Variants in TOX observed in about 807,000 individuals in gnomAD.
TOX encodes the protein thymocyte selection-associated high mobility group box protein TOX.
TOX carries 11 observed loss-of-function variants against 53.7 expected under a neutral mutation model. The ratio of observed to expected loss-of-function variants is 0.20; its 90% CI spans 0.13 to 0.34. TOX has a LOEUF of 0.34. TOX is among the 10% of genes least tolerant of loss of function. The probability of loss-of-function intolerance (pLI) is 1.00; values close to 1 mark genes in which losing one functional copy is unlikely to be tolerated. For synonymous variants in TOX, 225 were observed against 245.3 expected (o/e 0.92, Z 0.77); for missense variants, 570 against 664.6 (o/e 0.86, Z 1.56).
At chr8:58,867,758 C>T (rs1811128677) in intron 3 of TOX, among the ~76,000 whole-genome samples, 2 of 152,092 alleles carry the variant, frequency 1.3e-5, no homozygotes, top group African/African-American at 4.8e-5. Context: ...CACGAATTTG[C>T]ACAAACTAAT....
At chr8:58,874,890 C>A (rs984204240) in intron 3 of TOX, among the ~76,000 whole-genome samples, 2 of 152,146 alleles carry the variant, frequency 1.3e-5, no homozygotes, top group African/African-American at 4.8e-5. Context: ...CACTAATGAG[C>A]GCTGATGAGC....
intron 1 of TOX, among the ~76,000 whole-genome samples, chr8:59,004,599 C>A (rs1044997666): frequency 1.6e-4 from 25 of 152,238 alleles, no homozygotes; most frequent in Admixed American, 3.9e-4. Context: ...AAGAACATAG[C>A]CTTTGTGTAG....
At chr8:58,846,247 G>T (rs1810717715) in intron 4 of TOX, among the ~76,000 whole-genome samples, 1 of 151,824 alleles carries the variant, frequency 6.6e-6, no homozygotes, top group Admixed American at 6.6e-5. Flanking sequence ...ATAAATAAGG[G>T]TCATACATTA....
At chr8:59,068,972 G>A (rs1280291838) in intron 1 of TOX, among the ~76,000 whole-genome samples, 1 of 152,156 alleles carries the variant, frequency 6.6e-6, no homozygotes, top group Non-Finnish European at 1.5e-5. Context: ...TCTGAGTCAG[G>A]CACAAGTAGG....
intron 4 of TOX, among the ~76,000 whole-genome samples, chr8:58,840,147 C>A (rs1001555899): frequency 6.6e-5 from 10 of 152,086 alleles, no homozygotes; most frequent in Non-Finnish European, 1.3e-4. Context: ...GAAAGATATA[C>A]CTAAGCACCG....
chr8:58,860,465 T>G (rs1207043480), intron 3 of TOX, among the ~76,000 whole-genome samples: 2 of 152,168 alleles, frequency 1.3e-5, no homozygotes, highest in African/African-American at 4.8e-5. Flanking sequence ...CCTTAAATGC[T>G]TCCTTAAAAC....
At chr8:59,076,079 G>C (rs1435846699) in intron 1 of TOX, among the ~76,000 whole-genome samples, 2 of 151,832 alleles carry the variant, frequency 1.3e-5, no homozygotes, top group Non-Finnish European at 2.9e-5. Context: ...TCAGAGAGAA[G>C]AAGGCGCTGT....
chr8:59,083,553 G>C (rs1804450867), intron 1 of TOX, among the ~76,000 whole-genome samples: 1 of 152,110 alleles, frequency 6.6e-6, no homozygotes, highest in Non-Finnish European at 1.5e-5. Context: ...TGAAATAAAT[G>C]CTATTGAGAA....
At chr8:58,991,234 A>T (rs1813440314) in intron 1 of TOX, among the ~76,000 whole-genome samples, 1 of 152,230 alleles carries the variant, frequency 6.6e-6, no homozygotes, top group Non-Finnish European at 1.5e-5. Context: ...CTAACTGTGC[A>T]ATTCAAATTA....
chr8:58,850,597 T>C (rs1810795589), intron 4 of TOX, among the ~76,000 whole-genome samples: 1 of 152,182 alleles, frequency 6.6e-6, no homozygotes, highest in South Asian at 2.1e-4. Context: ...ATTGTTGGCT[T>C]GTTTATAGAA....
intron 4 of TOX, among the ~76,000 whole-genome samples, chr8:58,840,495 TG>T (rs1810624688): frequency 6.6e-6 from 1 of 152,154 alleles, no homozygotes; most frequent in South Asian, 2.1e-4. Flanking sequence ...TCCTCAAACA[TG>T]GCTGCACATT....
intron 1 of TOX, among the ~76,000 whole-genome samples, chr8:58,997,420 T>C (rs1813580857): frequency 6.6e-6 from 1 of 152,242 alleles, no homozygotes; most frequent in Non-Finnish European, 1.5e-5. Context: ...TTTGGTTCTG[T>C]GGCCCTATGA....
rs1811161757 is a variant in TOX, at chr8:58,869,473, C to A, written c.412-17668G>T. On this transcript the variant is annotated intron_variant, in intron 3 of 8. Transcript: ENST00000361421. ...ATAAATATTTAAGGAAAAAATTATA[C>A]CAATTCTCCACAATATTTTCCAGGA... Among the ~76,000 whole-genome samples, 6 of 152,016 alleles carry A rather than the reference C, an allele frequency of 3.9e-5. No individual in the cohort carries two copies. In the South Asian group the frequency reaches 1.2e-3, roughly 31 times the overall value.
chr8:58,861,017 T>C (rs1811001771), intron 3 of TOX, among the ~76,000 whole-genome samples: 1 of 152,166 alleles, frequency 6.6e-6, no homozygotes, highest in African/African-American at 2.4e-5. Flanking sequence ...TCGTTTCTGA[T>C]TGCTTCATGC....
chr8:59,093,671 C>T (rs1013951904), intron 1 of TOX, among the ~76,000 whole-genome samples: 5 of 152,318 alleles, frequency 3.3e-5, no homozygotes, highest in Admixed American at 6.5e-5. Flanking sequence ...GGTTCTCCTG[C>T]ACCTAGAAGC....
intron 1 of TOX, among the ~76,000 whole-genome samples, chr8:58,962,018 C>G (rs1167167392): frequency 6.6e-6 from 1 of 152,198 alleles, no homozygotes; most frequent in Non-Finnish European, 1.5e-5. Context: ...CTGTAACAAA[C>G]TAAACCGAAG....
Position 58,806,034 on chromosome 8 carries a change from T to G in TOX, c.*1713A>C, listed in dbSNP as rs1175639243. 6.6e-6 allele frequency: 1 copy of G among 152,614 alleles called. No homozygotes were observed. Among genetic ancestry groups the G allele is most frequent in the East Asian group, 1.9e-4 (1 of 5,194 alleles). 9.5% of individuals were successfully genotyped at this position (152,614 alleles called of 1,614,324 possible). On this transcript the variant is annotated 3_prime_UTR_variant, in exon 9 of 9. Transcript: ENST00000361421. ...CTCTTGGTTTCCAACCAGACTAACT[T>G]TCTTGATATGATCCCCTAAAAAGGA...
At chr8:58,963,316 TAGATAGATAG>T (rs1812835153) in intron 1 of TOX, among the ~76,000 whole-genome samples, 1 of 141,136 alleles carries the variant, frequency 7.1e-6, no homozygotes, top group African/African-American at 2.6e-5. Flanking sequence ...GATATATATA[TAGATAGATAG>T]ATAGATAGAT....
chr8:58,808,381 T>C (rs2129163557), intron 7 of TOX, 112 bp from the exon 8 acceptor site: 7 of 1,367,096 alleles, frequency 5.1e-6, no homozygotes, highest in South Asian at 3.3e-5. Flanking sequence ...CTTCTGTCTC[T>C]GCAAGGGCAA....
Sources: gnomAD v4.1 joint callset for allele counts (sites outside exome capture counted in the v4.1 genomes callset) on GRCh38, gnomAD v4.1.1 for gene constraint, MANE v1.5 for transcripts, NCBI Gene and HGNC (gene_info 2026-07-23, HGNC 2026-07-21) for gene names.